The following MICA variants were observed in gnomAD, a reference collection of about 807,000 sequenced individuals.
MICA encodes MHC class I polypeptide-related sequence A.
MICA carries 18 observed loss-of-function variants against 34.3 expected under a neutral mutation model. That is an observed-to-expected ratio of 0.52 (90% CI 0.36 to 0.78). MICA has a LOEUF of 0.78. Among genes scored for constraint, MICA ranks in the 30% least tolerant of loss-of-function variants. The pLI, the probability that MICA is intolerant of heterozygous loss-of-function variation, is 0.00. For synonymous variants in MICA, 135 were observed against 156.9 expected (o/e 0.86, Z 1.04); for missense variants, 333 against 409.4 (o/e 0.81, Z 1.61).
chr6:31,412,143 C>G lies in MICA; in HGVS notation c.810C>G (p.Thr270=). The G allele has an allele frequency of 1.9e-6, 3 of 1,612,776 alleles. No homozygotes were observed. Among genetic ancestry groups the G allele is most frequent in the Non-Finnish European group, 2.5e-6 (3 of 1,179,860 alleles). ...GNGTYQTWVA[T]RICRGEEQRF... ...GAACCTACCAGACCTGGGTGGCCACCAGGATTTGCCGAGGAGAGGAGCAGA... is the reference window on the plus strand; with the variant it reads ...GAACCTACCAGACCTGGGTGGCCACGAGGATTTGCCGAGGAGAGGAGCAGA... The change falls in exon 4 of 6, where the codon ACC becomes ACG. Residue 270 remains threonine, a synonymous_variant. Transcript: ENST00000449934.
Position 31,412,227 on chromosome 6 carries a change from T to A in MICA, c.892+2T>A. ...ACAGCACTCACCCTGTGCCCTCTGGTGAGCCTAGGGTGACCCTGGAGAGGG... is the reference window on the plus strand; with the variant it reads ...ACAGCACTCACCCTGTGCCCTCTGGAGAGCCTAGGGTGACCCTGGAGAGGG... On this transcript the variant is annotated splice_donor_variant, in intron 4 of 5. Coordinates refer to ENST00000449934, the MANE Select transcript of MICA (RefSeq NM_001177519.3). LOFTEE classifies it high-confidence loss of function. 1 of 1,608,722 alleles carries A rather than the reference T, an allele frequency of 6.2e-7. No individual in the cohort carries two copies. Among genetic ancestry groups the A allele is most frequent in the Non-Finnish European group, 8.5e-7 (1 of 1,177,552 alleles).
chr6:31,412,628 A>G (rs548584465), intron 5 of MICA, among the ~76,000 whole-genome samples, 168 bp downstream of exon 5: 12 of 151,822 alleles, frequency 7.9e-5, no homozygotes, highest in Non-Finnish European at 1.8e-4. Context: ...ATCTACACCC[A>G]TAAGTGCTGC....
intron 1 of MICA, among the ~76,000 whole-genome samples, chr6:31,408,814 G>A (rs1770894577): frequency 6.6e-6 from 1 of 151,770 alleles, no homozygotes; most frequent in Non-Finnish European, 1.5e-5. Context: ...AACCAGCCTG[G>A]CCAACATGGT....
intron 1 of MICA, among the ~76,000 whole-genome samples, chr6:31,409,242 G>T (rs1018313062): frequency 2.0e-5 from 3 of 151,322 alleles, no homozygotes; most frequent in Admixed American, 6.6e-5. Context: ...TTTCTTTTGG[G>T]TATATATCCA....
chr6:31,413,042 G>A (rs1377286452), intron 5 of MICA, among the ~76,000 whole-genome samples: 1 of 151,518 alleles, frequency 6.6e-6, no homozygotes, highest in African/African-American at 2.4e-5. Flanking sequence ...TAACAGGGAG[G>A]GTCCTGAGCA....
Position 31,406,213 on chromosome 6 carries a change from C to G in MICA, c.70+2511C>G, listed in dbSNP as rs150009117. Among the ~76,000 whole-genome samples, 437 of 151,730 alleles carry G rather than the reference C, an allele frequency of 2.9e-3. 14 individuals are homozygous for G. In the East Asian group the frequency reaches 0.051, roughly 18 times the overall value. On this transcript the variant is annotated intron_variant, in intron 1 of 5. Coordinates refer to ENST00000449934, the MANE Select transcript of MICA (RefSeq NM_001177519.3). Reference sequence around the variant, plus strand: ...TTCCTTATTTCTACATCCTCGCCAGCATTCCTTATTGCCTGTCTTCTGGAT... The same window carrying G: ...TTCCTTATTTCTACATCCTCGCCAGGATTCCTTATTGCCTGTCTTCTGGAT...
upstream of MICA, among the ~76,000 whole-genome samples, chr6:31,403,223 A>G (rs36222681): frequency 3.8e-3 from 582 of 151,818 alleles, 16 homozygotes; most frequent in East Asian, 0.052. This position sits in a 1 kb window ranked among gnomAD's most constrained non-coding sequence, Gnocchi z 4.7. Flanking sequence ...GAGCCGGTTT[A>G]ATGGGGCGGC....
chr6:31,411,121 C>T lies in MICA; in HGVS notation c.375C>T (p.Asn125=), dbSNP rs1461516248. 2.2e-5 allele frequency: 35 copies of T among 1,609,992 alleles called. No homozygotes were observed. Among genetic ancestry groups the T allele is most frequent in the Non-Finnish European group, 2.9e-5 (34 of 1,178,698 alleles). ...EIRVCEIHED[N]STRSSQHFYY... is the part of the protein sequence containing the mutation. Reference sequence around the variant, plus strand: ...GGGTCTGTGAGATCCATGAAGACAACAGCACCAGGAGCTCCCAGCATTTCT... The same window carrying T: ...GGGTCTGTGAGATCCATGAAGACAATAGCACCAGGAGCTCCCAGCATTTCT... Residue 125 remains asparagine (N), a synonymous_variant, in exon 3 of 6, where the codon AAC becomes AAT. Transcript: ENST00000449934. This position sits in a 1 kb window ranked among gnomAD's most constrained non-coding sequence, Gnocchi z 4.3.
intron 1 of MICA, among the ~76,000 whole-genome samples, chr6:31,404,825 A>C (rs1582664382): frequency 5.4e-5 from 8 of 147,224 alleles, no homozygotes; most frequent in South Asian, 2.2e-4. Context: ...CCCCTTCCCC[A>C]CTCCTTCATC....
At chr6:31,409,722 T>C (rs1335706223) in intron 1 of MICA, among the ~76,000 whole-genome samples, 1 of 151,954 alleles carries the variant, frequency 6.6e-6, no homozygotes, top group African/African-American at 2.4e-5. Flanking sequence ...TGTTTGCTTC[T>C]AAGAAATTTT....
Position 31,411,179 on chromosome 6 carries a change from C to G in MICA, c.433C>G (p.Leu145Val), listed in dbSNP as rs1051790. The G allele has an allele frequency of 0.16, 264,037 of 1,612,840 alleles. 25,341 individuals carry two copies. The highest frequency in any genetic ancestry group is 0.38 in the Middle Eastern group (2,332 of 6,060). Reference protein sequence around the residue: ...YDGELFLSQNLETEEWTVPQS... With the variant: ...YDGELFLSQNVETEEWTVPQS... Reference sequence around the variant, plus strand: ...TGGGGAGCTCTTCCTCTCCCAAAACCTGGAGACTGAGGAATGGACAGTGCC... The same window carrying G: ...TGGGGAGCTCTTCCTCTCCCAAAACGTGGAGACTGAGGAATGGACAGTGCC... Residue 145 changes from leucine to valine, a missense_variant, in exon 3 of 6, where the codon CTG becomes GTG. By Grantham distance (32) the Leu-to-Val change is conservative. Transcript: ENST00000449934. This position sits in a 1 kb window ranked among gnomAD's most constrained non-coding sequence, Gnocchi z 4.3.
At chr6:31,409,657 G>A (rs1770967435) in intron 1 of MICA, among the ~76,000 whole-genome samples, 1 of 151,462 alleles carries the variant, frequency 6.6e-6, no homozygotes, top group Non-Finnish European at 1.5e-5. Flanking sequence ...TCTGTGCTTT[G>A]GTGTCATATC....
Position 31,403,715 on chromosome 6 carries a change from C to T in MICA, c.70+13C>T, listed in dbSNP as rs1770580706. ...GGAGCTGCTGCTGGTGAGTGGCGTT[C>T]CTGGCGGTCCTCGGCGGAGCGGGAG... On this transcript the variant is annotated intron_variant, in intron 1 of 5. Coordinates refer to ENST00000449934, the MANE Select transcript of MICA (RefSeq NM_001177519.3). The surrounding 1 kb of genome is among the most constrained non-coding windows in gnomAD (Gnocchi z 4.7). 1 of 1,528,288 alleles carries T rather than the reference C, an allele frequency of 6.5e-7. No individual in the cohort carries two copies. Among genetic ancestry groups the T allele is most frequent in the African/African-American group, 1.4e-5 (1 of 70,768 alleles). 94.7% of individuals were successfully genotyped at this position (1,528,288 alleles called of 1,614,324 possible). A position where few individuals can be genotyped will look rare whatever the true frequency, so the allele number is the denominator to read the frequency against.
intron 1 of MICA, among the ~76,000 whole-genome samples, chr6:31,405,941 C>G (rs9295988): frequency 0.16 from 23,698 of 151,800 alleles, 2,578 homozygotes; most frequent in African/African-American, 0.26. Flanking sequence ...ATCCATGCGT[C>G]TGTTGATGGA....
At chr6:31,406,802 A>G (rs12174396) in intron 1 of MICA, among the ~76,000 whole-genome samples, 11,659 of 151,878 alleles carry the variant, frequency 0.077, 632 homozygotes, top group East Asian at 0.23. Context: ...ACCATTTTTG[A>G]AGAGACTCTC....
chr6:31,405,231 G>T (rs1364218521), intron 1 of MICA, among the ~76,000 whole-genome samples: 2 of 150,698 alleles, frequency 1.3e-5, no homozygotes, highest in Non-Finnish European at 2.9e-5. Context: ...TTGGTTCCTT[G>T]ACCCCAGTGG....
At chr6:31,404,470 T>G (rs1293837912) in intron 1 of MICA, among the ~76,000 whole-genome samples, 1 of 151,696 alleles carries the variant, frequency 6.6e-6, no homozygotes, top group African/African-American at 2.4e-5. Flanking sequence ...AGCTCCCTGC[T>G]ACCCCTTCCT....
rs1771182231 is a variant in MICA at position 31,411,973 on chromosome 6, A to G, written c.640A>G (p.Ser214Gly). ...TVPPMVNVTR[S>G]EASEGNITVT... ...GCCCCCCATGGTGAATGTCACCCGCAGCGAGGCCTCAGAGGGCAACATCAC... is the reference window on the plus strand; with the variant it reads ...GCCCCCCATGGTGAATGTCACCCGCGGCGAGGCCTCAGAGGGCAACATCAC... The change falls in exon 4 of 6, where the codon AGC (serine) becomes GGC (glycine). Residue 214 changes from serine (S) to glycine (G), a missense_variant. Physicochemically the swap from Ser to Gly is moderately conservative, Grantham distance 56. Coordinates refer to ENST00000449934, the MANE Select transcript of MICA (RefSeq NM_001177519.3). This position sits in a 1 kb window ranked among gnomAD's most constrained non-coding sequence, Gnocchi z 4.3. The G allele has an allele frequency of 2.5e-6, 4 of 1,613,034 alleles. No individual in the cohort carries two copies. Among genetic ancestry groups the G allele is most frequent in the Non-Finnish European group, 3.4e-6 (4 of 1,179,690 alleles).
At position 31,410,697 on chromosome 6, in the gene MICA, T is replaced by C. The variant is rs1225749683; in HGVS notation, c.225T>C (p.Asp75=). 1 of 1,612,892 alleles carries C rather than the reference T, an allele frequency of 6.2e-7. No individual in the cohort carries two copies. Among genetic ancestry groups the C allele is most frequent in the African/African-American group, 1.3e-5 (1 of 74,710 alleles). ...RAKPQGQWAE[D]VLGNKTWDRE... is the part of the protein sequence containing the mutation. ...AGCCCCAGGGACAGTGGGCAGAAGA[T>C]GTCCTGGGAAATAAGACATGGGACA... The change falls in exon 2 of 6, where the codon GAT becomes GAC. Residue 75 remains aspartate (D), a synonymous_variant. Transcript: ENST00000449934.
Sources: gnomAD v4.1 joint callset for allele counts (sites outside exome capture counted in the v4.1 genomes callset) on GRCh38, gnomAD v4.1.1 for gene constraint, Gnocchi (gnomAD v3.1) non-coding constraint, MANE v1.5 for transcripts, NCBI Gene and HGNC (gene_info 2026-07-23, HGNC 2026-07-21) for gene names.